The following BIRC7 variants were observed in gnomAD, a reference collection of about 807,000 sequenced individuals.
BIRC7 encodes the protein baculoviral IAP repeat-containing protein 7.
Under a neutral mutation model 33.2 loss-of-function variants are expected in BIRC7, and 26 were observed. The observed-to-expected ratio is 0.78, with a 90% confidence interval of 0.57 to 1.09. The LOEUF is 1.09. Among genes scored for constraint, BIRC7 ranks in the 50% least tolerant of loss-of-function variants. BIRC7 has a pLI of 0.00. For missense variants in BIRC7, 409 were observed against 401.2 expected, an observed-to-expected ratio of 1.02 and a Z score of -0.17; for synonymous variants, 176 against 171.0, an observed-to-expected ratio of 1.03 and a Z score of -0.23.
At chr20:63,239,051 G>A in intron 4 of BIRC7, 111 bp from the exon 5 acceptor site, 1 of 1,108,528 alleles carries the variant, frequency 9.0e-7, no homozygotes, top group Non-Finnish European at 1.3e-6. Context: ...ATACTCTGCA[G>A]CCCCTCCACT....
At position 63,239,573 on chromosome 20, in the gene BIRC7, G is replaced by A. The variant is rs748222291; in HGVS notation, c.865G>A (p.Val289Ile). The change falls in exon 6 of 7, where the codon GTC becomes ATC. Residue 289 changes from valine (V) to isoleucine (I), a missense_variant. Transcript: ENST00000217169. ...LQLCPICRAP[V>I]RSRVRTFLS ...GCTGTGCCCCATCTGCAGAGCCCCCGTCCGCAGCCGCGTGCGCACCTTCCT... is the reference window on the plus strand; with the variant it reads ...GCTGTGCCCCATCTGCAGAGCCCCCATCCGCAGCCGCGTGCGCACCTTCCT... 20 of 1,600,364 alleles carry A rather than the reference G, an allele frequency of 1.2e-5. No homozygotes were observed. Among genetic ancestry groups the A allele is most frequent in the East Asian group, 8.9e-5 (4 of 44,826 alleles).
At chr20:63,237,477 C>T (rs2123025106) in intron 1 of BIRC7, among the ~76,000 whole-genome samples, 1 of 152,278 alleles carries the variant, frequency 6.6e-6, no homozygotes, top group African/African-American at 2.4e-5. Flanking sequence ...TTCCTAAAAG[C>T]AAGCCTGGCC....
intron 4 of BIRC7, 104 bp from the exon 5 acceptor site, chr20:63,239,058 C>T: frequency 8.4e-7 from 1 of 1,189,704 alleles, no homozygotes; most frequent in South Asian, 1.3e-5. Context: ...GCAGCCCCTC[C>T]ACTCCCGGCC....
At position 63,238,467 on chromosome 20, in the gene BIRC7, T is replaced by C; in HGVS notation, c.521T>C (p.Leu174Pro). The change falls in exon 3 of 7, where the codon CTG (leucine) becomes CCG (proline). Residue 174 changes from leucine to proline, a missense_variant. Leu to Pro is a moderately conservative substitution (Grantham distance 98). Transcript: ENST00000217169. ...GTGCAGGAGACTCACTCCCAGCTGC[T>C]GGGCTCCTGGGTGAGCGCCACCTCT... ...HSVQETHSQLLGSWDPWEEPE... is the reference protein window; with the variant it reads ...HSVQETHSQLPGSWDPWEEPE... 6.2e-7 allele frequency: 1 copy of C among 1,612,922 alleles called. No individual in the cohort carries two copies. The highest frequency in any genetic ancestry group is 1.1e-5 in the South Asian group (1 of 91,092).
At chr20:63,238,662 G>C in intron 4 of BIRC7, 48 bp downstream of exon 4, 2 of 1,606,386 alleles carry the variant, frequency 1.2e-6, no homozygotes, top group South Asian at 1.1e-5. Flanking sequence ...CCTGCAGCCT[G>C]TGCTTGGCCA....
intron 4 of BIRC7, 165 bp downstream of exon 4, chr20:63,238,779 G>A: frequency 3.2e-6 from 3 of 936,942 alleles, no homozygotes; most frequent in Admixed American, 2.5e-5. Context: ...TGCCATGTGA[G>A]GGTGGGGGCG....
At position 63,236,143 on chromosome 20, in the gene BIRC7, C is replaced by T. The variant is rs912977719; in HGVS notation, c.47C>T (p.Pro16Leu). The T allele has an allele frequency of 4.4e-6, 7 of 1,583,078 alleles. No homozygotes were observed. The highest frequency in any genetic ancestry group is 2.3e-5 in the East Asian group (1 of 42,870). Reference protein sequence around the residue: ...SAKCLHRGPQPSHWAAGDGPT... With the variant: ...SAKCLHRGPQLSHWAAGDGPT... ...AAGTGCCTGCACCGTGGACCACAGCCGAGCCACTGGGCAGCCGGTGATGGT... is the reference window on the plus strand; with the variant it reads ...AAGTGCCTGCACCGTGGACCACAGCTGAGCCACTGGGCAGCCGGTGATGGT... The change falls in exon 1 of 7, where the codon CCG (proline) becomes CTG (leucine). Residue 16 changes from proline (P) to leucine (L), a missense_variant. Transcript: ENST00000217169.
intron 6 of BIRC7, 32 bp downstream of exon 6, chr20:63,239,642 C>A: frequency 1.3e-6 from 2 of 1,565,362 alleles, no homozygotes; most frequent in East Asian, 2.3e-5. Flanking sequence ...GCAGCCAGCC[C>A]TCCTGCGGAG....
Position 63,236,184 on chromosome 20 carries a change from T to A in BIRC7, c.88T>A (p.Cys30Ser), listed in dbSNP as rs1213068759. The A allele has an allele frequency of 1.3e-6, 2 of 1,590,360 alleles. No individual in the cohort carries two copies. Among genetic ancestry groups the A allele is most frequent in the Non-Finnish European group, 1.7e-6 (2 of 1,167,972 alleles). The change falls in exon 1 of 7, where the codon TGT becomes AGT. Residue 30 changes from cysteine to serine, a missense_variant. Cys to Ser is a moderately radical substitution (Grantham distance 112, BLOSUM62 -1). Transcript: ENST00000217169. Reference sequence around the variant, plus strand: ...CGGTGATGGTCCCACGCAGGAGCGCTGTGGACCCCGCTCTCTGGGCAGCCC... The same window carrying A: ...CGGTGATGGTCCCACGCAGGAGCGCAGTGGACCCCGCTCTCTGGGCAGCCC... ...AAGDGPTQER[C>S]GPRSLGSPVL...
intron 2 of BIRC7, 185 bp from the exon 3 acceptor site, chr20:63,238,211 C>T (rs534765359): frequency 1.0e-5 from 9 of 868,944 alleles, no homozygotes; most frequent in Non-Finnish European, 1.5e-5. Flanking sequence ...GGCAGAAATG[C>T]CTCTCCCATG....
Position 63,236,108 on chromosome 20 carries a change from A to G in BIRC7, c.12A>G (p.Lys4=). 1 of 1,557,276 alleles carries G rather than the reference A, an allele frequency of 6.4e-7. No individual in the cohort carries two copies. ...CCAGTGTTCCCTCCATGGGACCTAAAGACAGTGCCAAGTGCCTGCACCGTG... is the reference window on the plus strand; with the variant it reads ...CCAGTGTTCCCTCCATGGGACCTAAGGACAGTGCCAAGTGCCTGCACCGTG... The part of the protein sequence containing the change: MGP[K]DSAKCLHRGP... Residue 4 remains lysine, a synonymous_variant, in exon 1 of 7, where the codon AAA becomes AAG. Coordinates refer to ENST00000217169, the MANE Select transcript of BIRC7 (RefSeq NM_139317.3).
chr20:63,236,305 G>A lies in BIRC7; in HGVS notation c.209G>A (p.Gly70Asp). 1.9e-6 allele frequency: 3 copies of A among 1,610,736 alleles called. No homozygotes were observed. The highest frequency in any genetic ancestry group is 2.5e-6 in the Non-Finnish European group (3 of 1,178,768). The change falls in exon 1 of 7, where the codon GGC becomes GAC. Residue 70 changes from glycine to aspartate, a missense_variant. Transcript: ENST00000217169. ...CTGACAGAGGAGGAAGAGGAGGAGG[G>A]CGCCGGGGCCACCTTGTCCAGGGGG... ...RPLTEEEEEE[G>D]AGATLSRGPA...
chr20:63,236,636 C>CTGCTGGCTGAGTGTTTCAGACCGTG (rs1430335641), intron 1 of BIRC7, among the ~76,000 whole-genome samples, 191 bp downstream of exon 1: 1 of 152,230 alleles, frequency 6.6e-6, no homozygotes, highest in African/African-American at 2.4e-5. Context: ...CCCGGAGTCT[C>CTGCTGGCTGAGTGTTTCAGACCGTG]TGCTGGCTGA....
chr20:63,236,217 G>C lies in BIRC7; in HGVS notation c.121G>C (p.Gly41Arg). ...CCGCTCTCTGGGCAGCCCTGTCCTA[G>C]GCCTGGACACCTGCAGAGCCTGGGA... ...GPRSLGSPVL[G>R]LDTCRAWDHV... is the part of the protein sequence containing the mutation. The change falls in exon 1 of 7, where the codon GGC (glycine) becomes CGC (arginine). Residue 41 changes from glycine (G) to arginine (R), a missense_variant. Transcript: ENST00000217169. 6.3e-7 allele frequency: 1 copy of C among 1,590,800 alleles called. No individual in the cohort carries two copies. Among genetic ancestry groups the C allele is most frequent in the South Asian group, 1.1e-5 (1 of 88,632 alleles).
chr20:63,236,629 G>A (rs1025255199), intron 1 of BIRC7, among the ~76,000 whole-genome samples, 184 bp downstream of exon 1: 7 of 152,186 alleles, frequency 4.6e-5, no homozygotes, highest in African/African-American at 7.2e-5. Context: ...ACCCTCCCCC[G>A]GAGTCTCTGC....
Position 63,236,256 on chromosome 20 carries a change from C to G in BIRC7, c.160C>G (p.Gln54Glu). 3 of 1,605,980 alleles carry G rather than the reference C, an allele frequency of 1.9e-6. No homozygotes were observed. Among genetic ancestry groups the G allele is most frequent in the Non-Finnish European group, 2.6e-6 (3 of 1,176,466 alleles). Residue 54 changes from glutamine (Q) to glutamate (E), a missense_variant, in exon 1 of 7, where the codon CAG (glutamine) becomes GAG (glutamate). Transcript: ENST00000217169. ...CAGAGCCTGGGACCACGTGGATGGG[C>G]AGATCCTGGGCCAGCTGCGGCCCCT... ...TCRAWDHVDG[Q>E]ILGQLRPLTE...
chr20:63,236,193 C>G lies in BIRC7; in HGVS notation c.97C>G (p.Arg33Gly). ...DGPTQERCGPRSLGSPVLGLD... is the reference protein window; with the variant it reads ...DGPTQERCGPGSLGSPVLGLD... ...TCCCACGCAGGAGCGCTGTGGACCC[C>G]GCTCTCTGGGCAGCCCTGTCCTAGG... Residue 33 changes from arginine (R) to glycine (G), a missense_variant, in exon 1 of 7, where the codon CGC (arginine) becomes GGC (glycine). Arg to Gly is a moderately radical substitution (Grantham distance 125). Coordinates refer to ENST00000217169, the MANE Select transcript of BIRC7 (RefSeq NM_139317.3). 1.3e-6 allele frequency: 2 copies of G among 1,589,142 alleles called. No homozygotes were observed. The highest frequency in any genetic ancestry group is 1.7e-6 in the Non-Finnish European group (2 of 1,167,312).
In BIRC7 at chr20:63,238,639, G is replaced by A. The variant is rs73316017; in HGVS notation, c.577+25G>A. 8.3e-3 allele frequency: 13,394 copies of A among 1,611,486 alleles called. 133 individuals are homozygous for A. The highest frequency in any genetic ancestry group is 0.044 in the African/African-American group (3,296 of 75,038). ...GGTGAGAGCTGACACCACCCCTGCT[G>A]ACTCCTTGTGCGCCTGCAGCCTGTG... On this transcript the variant is annotated intron_variant, in intron 4 of 6. Transcript: ENST00000217169.
intron 1 of BIRC7, among the ~76,000 whole-genome samples, chr20:63,237,359 C>T (rs915115938): frequency 6.6e-5 from 10 of 152,208 alleles, no homozygotes; most frequent in African/African-American, 2.4e-4. Context: ...GCAGCCCAAA[C>T]CTGTGATGTC....
Sources: gnomAD v4.1 joint callset for allele counts (sites outside exome capture counted in the v4.1 genomes callset) on GRCh38, gnomAD v4.1.1 for gene constraint, MANE v1.5 for transcripts, NCBI Gene and HGNC (gene_info 2026-07-23, HGNC 2026-07-21) for gene names.